NEDD4L: variants seen among roughly 807,000 people sequenced by gnomAD.
NEDD4L encodes E3 ubiquitin-protein ligase NEDD4-like.
NEDD4L carries 54 observed loss-of-function variants against 148.9 expected under a neutral mutation model. The observed-to-expected ratio is 0.36, with a 90% CI of 0.29 to 0.45. NEDD4L has a LOEUF of 0.45. Among genes scored for constraint, NEDD4L ranks in the 20% least tolerant of loss-of-function variants. The pLI, the probability that NEDD4L is intolerant of heterozygous loss-of-function variation, is 1.00. For missense variants in NEDD4L, 856 were observed against 1,233.8 expected (o/e 0.69, Z 4.59); for synonymous variants, 433 against 440.7 (o/e 0.98, Z 0.22).
chr18:58,129,290 C>T (rs931346677), intron 1 of NEDD4L, among the ~76,000 whole-genome samples: 3 of 152,196 alleles, frequency 2.0e-5, no homozygotes, highest in Non-Finnish European at 4.4e-5. Flanking sequence ...GAGAAAAACA[C>T]AACGGTGGAT....
chr18:58,064,050 C>T (rs182758708), intron 1 of NEDD4L, among the ~76,000 whole-genome samples: 93 of 144,404 alleles, frequency 6.4e-4, no homozygotes, highest in East Asian at 2.4e-3. Flanking sequence ...CTGCAAGCTC[C>T]GCCTTCCGGG....
At chr18:58,142,529 ACATGTTCCAGACCT>A in intron 1 of NEDD4L, among the ~76,000 whole-genome samples, 1 of 152,318 alleles carries the variant, frequency 6.6e-6, no homozygotes, top group South Asian at 2.1e-4. Context: ...ATAGGGTCAA[ACATGTTCCAGACCT>A]CAGAGGATTG....
intron 1 of NEDD4L, among the ~76,000 whole-genome samples, chr18:58,082,102 A>ATATATATTTTTTTTTT: frequency 3.4e-3 from 166 of 48,782 alleles, no homozygotes; most frequent in African/African-American, 4.9e-3. Flanking sequence ...ATATATATAT[A>ATATATATTTTTTTTTT]TTTTTTTTTT....
chr18:58,300,450 G>A (rs1175011093), intron 5 of NEDD4L, among the ~76,000 whole-genome samples: 2 of 152,176 alleles, frequency 1.3e-5, no homozygotes, highest in Non-Finnish European at 2.9e-5. Flanking sequence ...ACACCTCTCA[G>A]TGTTATCCCC....
In NEDD4L at chr18:58,341,668, T is replaced by G; in HGVS notation, c.1258-10T>G. ...CCTATGAAGCTAACTTGTTTTTGCC[T>G]CCAAAATAGCTTGCAGAAGATGGTG... On this transcript the variant is annotated splice_polypyrimidine_tract_variant and intron_variant, in intron 14 of 30. Coordinates refer to ENST00000400345, the MANE Select transcript of NEDD4L (RefSeq NM_001144967.3). 1 of 1,610,980 alleles carries G rather than the reference T, an allele frequency of 6.2e-7. No homozygotes were observed. Among genetic ancestry groups the G allele is most frequent in the Non-Finnish European group, 8.5e-7 (1 of 1,178,688 alleles).
intron 1 of NEDD4L, among the ~76,000 whole-genome samples, chr18:58,097,942 T>C (rs2084523148): frequency 6.6e-6 from 1 of 152,064 alleles, no homozygotes; most frequent in African/African-American, 2.4e-5. Flanking sequence ...TGTGGGAGGA[T>C]CGCTTGAGCC....
At chr18:58,267,261 C>T (rs1029472415) in intron 5 of NEDD4L, among the ~76,000 whole-genome samples, 3 of 151,960 alleles carry the variant, frequency 2.0e-5, no homozygotes, top group African/African-American at 4.8e-5. Context: ...TCCGGTTGCC[C>T]CTTAACTTGG....
chr18:58,062,626 T>C (rs2082383526), intron 1 of NEDD4L, among the ~76,000 whole-genome samples: 1 of 152,152 alleles, frequency 6.6e-6, no homozygotes, highest in African/African-American at 2.4e-5. Flanking sequence ...GGCTGCTGCT[T>C]TTCAGATCCC....
intron 5 of NEDD4L, among the ~76,000 whole-genome samples, chr18:58,259,566 T>C (rs1039135580): frequency 6.6e-6 from 1 of 152,202 alleles, no homozygotes; most frequent in African/African-American, 2.4e-5. Flanking sequence ...AAACTCTGCA[T>C]TTTACAAGCT....
intron 30 of NEDD4L, among the ~76,000 whole-genome samples, chr18:58,392,536 G>GT (rs66467685): frequency 0.087 from 13,002 of 150,036 alleles, 828 homozygotes; most frequent in South Asian, 0.19. Context: ...CCAGAAAGGT[G>GT]TTTTTTTTTT....
At chr18:58,151,593 T>C (rs1599135339) in intron 1 of NEDD4L, among the ~76,000 whole-genome samples, 1 of 141,548 alleles carries the variant, frequency 7.1e-6, no homozygotes, top group Admixed American at 7.2e-5. Flanking sequence ...ATTAAAGGGG[T>C]GATTGTGAAG....
intron 13 of NEDD4L, among the ~76,000 whole-genome samples, chr18:58,340,563 A>C (rs1404790628): frequency 6.6e-6 from 1 of 152,190 alleles, no homozygotes; most frequent in Non-Finnish European, 1.5e-5. Context: ...CTACAGTGTT[A>C]GGGTCCTAAG....
rs2048540037 is a variant in NEDD4L at position 58,256,240 on chromosome 18, C to T, written c.297+4186C>T. 3.3e-6 allele frequency: 4 copies of T among 1,229,556 alleles called. No individual in the cohort carries two copies. Among genetic ancestry groups the T allele is most frequent in the Admixed American group, 4.2e-5 (1 of 23,614 alleles). The allele number at this position is 1,229,556 out of a possible 1,614,324, so 76.2% of individuals were successfully genotyped here. Reference sequence around the variant, plus strand: ...TCCAGCACCGCGCCTCCAGCGCCGACGTGCGCCAGGTGAGGCTGCTGCCCC... The same window carrying T: ...TCCAGCACCGCGCCTCCAGCGCCGATGTGCGCCAGGTGAGGCTGCTGCCCC... On this transcript the variant is annotated intron_variant, in intron 5 of 30. Transcript: ENST00000400345. This position sits in a 1 kb window ranked among gnomAD's most constrained non-coding sequence, Gnocchi z 5.2.
chr18:58,147,602 A>G (rs1447930601), intron 1 of NEDD4L, among the ~76,000 whole-genome samples: 1 of 152,198 alleles, frequency 6.6e-6, no homozygotes, highest in African/African-American at 2.4e-5. Flanking sequence ...AGTTTTGCAT[A>G]AACATCAGCT....
intron 2 of NEDD4L, among the ~76,000 whole-genome samples, chr18:58,229,183 A>G (rs567617807): frequency 5.9e-5 from 9 of 152,326 alleles, no homozygotes; most frequent in African/African-American, 2.2e-4. Context: ...CAGAATATAT[A>G]CAGTGTCAAT....
chr18:58,270,747 A>G (rs746011839), intron 5 of NEDD4L, among the ~76,000 whole-genome samples: 2 of 152,030 alleles, frequency 1.3e-5, no homozygotes, highest in Non-Finnish European at 2.9e-5. Context: ...AGTTACTACT[A>G]CTTGTGGCTC....
At chr18:58,109,885 G>T (rs745525890) in intron 1 of NEDD4L, among the ~76,000 whole-genome samples, 1 of 152,128 alleles carries the variant, frequency 6.6e-6, no homozygotes, top group South Asian at 2.1e-4. Flanking sequence ...AGATTTTTAA[G>T]CAGGGAAGCA....
intron 2 of NEDD4L, among the ~76,000 whole-genome samples, chr18:58,169,289 G>C (rs553746006): frequency 1.4e-4 from 22 of 152,374 alleles, no homozygotes; most frequent in Admixed American, 1.3e-3. Flanking sequence ...CATCTGAGCA[G>C]TTGGCCCGCG....
At chr18:58,323,495 T>C (rs1601239379) in intron 8 of NEDD4L, among the ~76,000 whole-genome samples, 161 bp downstream of exon 8, 1 of 152,218 alleles carries the variant, frequency 6.6e-6, no homozygotes, top group Non-Finnish European at 1.5e-5. Flanking sequence ...AGTGCAGTTA[T>C]TTGTTTTGGT....
Sources: allele counts gnomAD v4.1 joint callset (sites outside exome capture counted in the v4.1 genomes callset), GRCh38; gene constraint gnomAD v4.1.1; non-coding constraint Gnocchi (gnomAD v3.1); transcripts MANE v1.5; gene names NCBI Gene and HGNC (gene_info 2026-07-23, HGNC 2026-07-21).